Variants in FAM163A observed in about 807,000 individuals in gnomAD.
FAM163A encodes family with sequence similarity 163 member A, also known as protein FAM163A.
In FAM163A, 7 loss-of-function variants were observed where a neutral mutation model predicts 12.0. The observed-to-expected ratio is 0.58, with a 90% CI of 0.33 to 1.10. The LOEUF (loss-of-function observed/expected upper bound fraction) is 1.10. Ranked by LOEUF, FAM163A falls within the 50% of genes least tolerant of loss-of-function variation. The pLI is 0.03. For missense variants in FAM163A, 202 were observed against 218.6 expected, an observed-to-expected ratio of 0.92 and a Z score of 0.48; for synonymous variants, 101 against 91.0, an observed-to-expected ratio of 1.11 and a Z score of -0.62.
the FAM163A span, among the ~76,000 whole-genome samples, chr1:179,736,812 A>C: frequency 6.6e-6 from 1 of 152,120 alleles, no homozygotes; most frequent in Non-Finnish European, 1.5e-5. Flanking sequence ...TCAGTCTCAA[A>C]AAAAAAGAAA....
chr1:179,728,092 T>A, the FAM163A span, among the ~76,000 whole-genome samples: 179 of 152,238 alleles, frequency 1.2e-3, no homozygotes, highest in African/African-American at 4.2e-3. Flanking sequence ...ACAGGTTAAA[T>A]GAAATAGCCC....
intron 1 of FAM163A, among the ~76,000 whole-genome samples, chr1:179,759,624 G>A (rs887353127): frequency 6.6e-6 from 1 of 152,120 alleles, no homozygotes; most frequent in African/African-American, 2.4e-5. Context: ...GGACCAAAGG[G>A]AAGGGAGGTG....
At chr1:179,762,689 C>A (rs1443491740) in intron 1 of FAM163A, among the ~76,000 whole-genome samples, 1 of 152,204 alleles carries the variant, frequency 6.6e-6, no homozygotes, top group Non-Finnish European at 1.5e-5. Flanking sequence ...AGGGAGGCTT[C>A]GGCTCACATC....
At chr1:179,807,131 T>C (rs1484496246) in intron 1 of FAM163A, among the ~76,000 whole-genome samples, 7 of 151,298 alleles carry the variant, frequency 4.6e-5, no homozygotes, top group African/African-American at 1.5e-4. Flanking sequence ...TTAGACTGAT[T>C]GGTTAAATGA....
At chr1:179,769,148 T>C (rs1473687661) in intron 1 of FAM163A, among the ~76,000 whole-genome samples, 3 of 152,152 alleles carry the variant, frequency 2.0e-5, no homozygotes, top group Admixed American at 2.0e-4. Context: ...TATTTATTTA[T>C]TTACTTATTT....
chr1:179,782,444 A>G lies in FAM163A; in HGVS notation c.-135-25354A>G, dbSNP rs115740389. On this transcript the variant is annotated intron_variant, in intron 1 of 4. Transcript: ENST00000341785. ...GATGTGGTCCGGGCAGCACAGGAGC[A>G]TCTTCTCATTTGGCGGGCGGGAAAG... Among the ~76,000 whole-genome samples, 992 of 152,020 alleles carry G rather than the reference A, an allele frequency of 6.5e-3. 10 individuals carry two copies. The highest frequency in any genetic ancestry group is 0.023 in the African/African-American group (954 of 41,384).
At chr1:179,808,550 T>A (rs1034100110) in intron 2 of FAM163A, among the ~76,000 whole-genome samples, 3 of 152,252 alleles carry the variant, frequency 2.0e-5, no homozygotes, top group Non-Finnish European at 4.4e-5. Flanking sequence ...GAGGCCACCC[T>A]AGGTTTCTTC....
chr1:179,793,611 C>T (rs998668458), intron 1 of FAM163A, among the ~76,000 whole-genome samples: 7 of 152,186 alleles, frequency 4.6e-5, no homozygotes, highest in African/African-American at 7.2e-5. Flanking sequence ...TGAGATAGGT[C>T]TGGAACTCAT....
intron 1 of FAM163A, among the ~76,000 whole-genome samples, chr1:179,754,958 G>A (rs145425014): frequency 0.016 from 2,430 of 152,176 alleles, 60 homozygotes; most frequent in African/African-American, 0.056. Context: ...CCAACATGGT[G>A]AAACCCCATC....
At chr1:179,806,060 T>C (rs1399436768) in intron 1 of FAM163A, among the ~76,000 whole-genome samples, 1 of 152,140 alleles carries the variant, frequency 6.6e-6, no homozygotes, top group Non-Finnish European at 1.5e-5. Context: ...GATACATAGC[T>C]CAGCAACACC....
intron 1 of FAM163A, among the ~76,000 whole-genome samples, chr1:179,752,172 A>G (rs1449691268): frequency 1.3e-5 from 2 of 152,250 alleles, no homozygotes; most frequent in Admixed American, 1.3e-4. Flanking sequence ...ATGTTTGACA[A>G]GAGTGCCAAG....
At chr1:179,796,132 TACACACAC>T (rs35899165) in intron 1 of FAM163A, among the ~76,000 whole-genome samples, 7 of 145,378 alleles carry the variant, frequency 4.8e-5, no homozygotes, top group East Asian at 2.0e-4. Flanking sequence ...CATTCAATAA[TACACACAC>T]ACACACACAC....
intron 1 of FAM163A, among the ~76,000 whole-genome samples, chr1:179,747,029 G>T (rs890313369): frequency 6.6e-6 from 1 of 152,128 alleles, no homozygotes. Context: ...ACAGGATAAA[G>T]TGTCAGCGAC....
intron 1 of FAM163A, among the ~76,000 whole-genome samples, chr1:179,807,012 G>A (rs1346872551): frequency 6.6e-6 from 1 of 151,746 alleles, no homozygotes; most frequent in Non-Finnish European, 1.5e-5. Context: ...TGAGGCGGGA[G>A]AATAGCTTGA....
At chr1:179,745,582 G>C (rs553864599) in intron 1 of FAM163A, among the ~76,000 whole-genome samples, 1 of 152,288 alleles carries the variant, frequency 6.6e-6, no homozygotes, top group South Asian at 2.1e-4. Flanking sequence ...ACTCTGGTAG[G>C]GCCATTCCAG....
intron 1 of FAM163A, among the ~76,000 whole-genome samples, chr1:179,743,964 G>A (rs1342825064): frequency 6.6e-6 from 1 of 152,222 alleles, no homozygotes; most frequent in Non-Finnish European, 1.5e-5. Flanking sequence ...GGCGGGGTCT[G>A]CTGGGCCAAT....
At chr1:179,772,610 A>G (rs1270729052) in intron 1 of FAM163A, among the ~76,000 whole-genome samples, 1 of 152,162 alleles carries the variant, frequency 6.6e-6, no homozygotes, top group Non-Finnish European at 1.5e-5. Flanking sequence ...CATTGCTCTG[A>G]GCAAGTTTCT....
At chr1:179,790,218 C>CTTTTTTTTT (rs1168192716) in intron 1 of FAM163A, among the ~76,000 whole-genome samples, 1 of 91,666 alleles carries the variant, frequency 1.1e-5, no homozygotes, top group Non-Finnish European at 2.1e-5. Context: ...AGCTGACTTC[C>CTTTTTTTTT]TTTTTTTTTT....
At chr1:179,781,909 G>A (rs1689805324) in intron 1 of FAM163A, among the ~76,000 whole-genome samples, 1 of 147,562 alleles carries the variant, frequency 6.8e-6, no homozygotes, top group African/African-American at 2.5e-5. Flanking sequence ...ACTCTAGCCT[G>A]GGCAACAGAG....
Sources: allele counts gnomAD v4.1 joint callset (sites outside exome capture counted in the v4.1 genomes callset), GRCh38; gene constraint gnomAD v4.1.1; transcripts MANE v1.5; gene names NCBI Gene and HGNC (gene_info 2026-07-23, HGNC 2026-07-21).